Variants in PC observed in about 807,000 individuals in gnomAD.
PC encodes the protein pyruvate carboxylase.
In PC, 46 loss-of-function variants were observed where a neutral mutation model predicts 107.8. The ratio of observed to expected loss-of-function variants is 0.43; its 90% CI spans 0.34 to 0.55. The LOEUF (loss-of-function observed/expected upper bound fraction) is 0.55. Ranked by LOEUF, PC falls within the 20% of genes least tolerant of loss-of-function variation. The pLI, the probability that PC is intolerant of heterozygous loss-of-function variation, is 0.04. For synonymous variants in PC, 662 were observed against 684.7 expected, an observed-to-expected ratio of 0.97 and a Z score of 0.52; for missense variants, 1,241 against 1,643.1, an observed-to-expected ratio of 0.76 and a Z score of 4.23.
chr11:66,895,917 A>G (rs747871498), intron 3 of PC, among the ~76,000 whole-genome samples: 1 of 152,202 alleles, frequency 6.6e-6, no homozygotes, highest in African/African-American at 2.4e-5. Context: ...ACTGTGTCCA[A>G]TTTCAGATCC....
intron 3 of PC, among the ~76,000 whole-genome samples, chr11:66,904,640 A>AAC (rs1377445019): frequency 1.3e-5 from 2 of 152,200 alleles, no homozygotes; most frequent in African/African-American, 4.8e-5. Flanking sequence ...CCTGTCTCAA[A>AAC]ACACACACAC....
chr11:66,859,417 C>T (rs1946101790), intron 12 of PC, among the ~76,000 whole-genome samples: 1 of 152,200 alleles, frequency 6.6e-6, no homozygotes, highest in South Asian at 2.1e-4. Flanking sequence ...TCTGCTGGTG[C>T]CATCCCCCCA....
chr11:66,903,426 T>C (rs1948029996), intron 3 of PC, among the ~76,000 whole-genome samples: 1 of 152,094 alleles, frequency 6.6e-6, no homozygotes. Flanking sequence ...CTACGGACTA[T>C]AATTATTATT....
At chr11:66,891,147 C>G (rs1331266741) in intron 3 of PC, among the ~76,000 whole-genome samples, 3 of 152,134 alleles carry the variant, frequency 2.0e-5, no homozygotes, top group African/African-American at 7.2e-5. Flanking sequence ...ACTTCCGCCT[C>G]CCAGGTTCAA....
intron 3 of PC, among the ~76,000 whole-genome samples, chr11:66,905,251 C>T (rs1948121056): frequency 6.6e-6 from 1 of 152,254 alleles, no homozygotes; most frequent in African/African-American, 2.4e-5. Flanking sequence ...GCAGGCCGAG[C>T]AGCTTAGGAG....
intron 3 of PC, among the ~76,000 whole-genome samples, chr11:66,888,008 C>T (rs1565263244): frequency 6.6e-6 from 1 of 152,254 alleles, no homozygotes. Flanking sequence ...ACATCGCCTT[C>T]TCCTCAGCAT....
At chr11:66,929,841 T>C (rs192926400) in intron 3 of PC, among the ~76,000 whole-genome samples, 1 of 152,240 alleles carries the variant, frequency 6.6e-6, no homozygotes, top group African/African-American at 2.4e-5. Flanking sequence ...CTTAAAAGCA[T>C]AGGCAAGCTG....
At chr11:66,879,036 G>A (rs1213720263) in intron 3 of PC, among the ~76,000 whole-genome samples, 1 of 152,178 alleles carries the variant, frequency 6.6e-6, no homozygotes, top group Admixed American at 6.5e-5. Context: ...ATGCCTGGGT[G>A]ACAAACATCA....
At chr11:66,943,063 G>A (rs1949186492) in intron 3 of PC, among the ~76,000 whole-genome samples, 1 of 151,906 alleles carries the variant, frequency 6.6e-6, no homozygotes, top group South Asian at 2.1e-4. Context: ...TAATACATGT[G>A]TTATATGGAC....
At chr11:66,876,869 C>CG (rs1946999809) in intron 3 of PC, among the ~76,000 whole-genome samples, 1 of 152,142 alleles carries the variant, frequency 6.6e-6, no homozygotes, top group Non-Finnish European at 1.5e-5. Flanking sequence ...GGGGAGCCTT[C>CG]GGGACAAGCA....
chr11:66,876,858 A>G (rs918926626), intron 3 of PC, among the ~76,000 whole-genome samples: 30 of 152,200 alleles, frequency 2.0e-4, no homozygotes, highest in Admixed American at 9.8e-4. Context: ...GGAAGAGGCG[A>G]GGGGAGCCTT....
rs1361508127 is a variant in PC at position 66,857,909 on chromosome 11, G to C, written c.1369-4526C>G. The C allele has an allele frequency of 6.2e-7, 1 of 1,612,200 alleles. No homozygotes were observed. Among genetic ancestry groups the C allele is most frequent in the Non-Finnish European group, 8.5e-7 (1 of 1,179,924 alleles). ...ACCGGCGCACAGTGGAGCTGCGGCT[G>C]GCTGACAACTTCATCCAGGCCCTGG... is the stretch of plus-strand genomic sequence containing the variant. On this transcript the variant is annotated intron_variant, in intron 12 of 22. Transcript: ENST00000393960. This position sits in a 1 kb window ranked among gnomAD's most constrained non-coding sequence, Gnocchi z 7.1.
Position 66,863,739 on chromosome 11 carries a change from G to A in PC, c.1368+35C>T, listed in dbSNP as rs1946373368. ...ACGGTCAGGGGGCCCTCCAAGGGCC[G>A]GGAGCAAAGGCAGGCGGGGGCTGCA... On this transcript the variant is annotated intron_variant, in intron 12 of 22. Transcript: ENST00000393960. 6 of 1,590,216 alleles carry A rather than the reference G, an allele frequency of 3.8e-6. No homozygotes were observed. The African/African-American group carries it at 4.0e-5, about 11-fold the overall frequency.
chr11:66,957,141 T>C (rs572324124), intron 1 of PC, among the ~76,000 whole-genome samples: 1 of 152,238 alleles, frequency 6.6e-6, no homozygotes, highest in East Asian at 1.9e-4. Flanking sequence ...AAAGGGTGCC[T>C]TGGGGGAGGC....
chr11:66,873,475 TAATATATA>T (rs1946839582), intron 3 of PC, among the ~76,000 whole-genome samples: 1 of 77,490 alleles, frequency 1.3e-5, no homozygotes, highest in Non-Finnish European at 2.4e-5. Flanking sequence ...ATATATAATA[TAATATATA>T]ATATTATATA....
rs1266817343 is a variant in PC at position 66,913,171 on chromosome 11, C to T, written c.-1+39259G>A. ...GGCAGAAAACAAAGTACCATTCAGG[C>T]CCTGGGGACACACAATAGGCCCTTA... On this transcript the variant is annotated intron_variant, in intron 3 of 22. Transcript: ENST00000393960. Among the ~76,000 whole-genome samples the T allele has an allele frequency of 2.6e-5, 4 of 152,040 alleles. No homozygotes were observed. In the East Asian group the frequency reaches 7.7e-4, roughly 29 times the overall value.
chr11:66,912,546 C>T (rs1404963343), intron 3 of PC, among the ~76,000 whole-genome samples: 2 of 152,220 alleles, frequency 1.3e-5, no homozygotes, highest in Non-Finnish European at 2.9e-5. Context: ...GTGTGACTGA[C>T]AGCCGTAAAG....
intron 3 of PC, chr11:66,919,744 G>A (rs1237200546): frequency 6.6e-6 from 1 of 152,200 alleles, no homozygotes. Context: ...CATGAAGTCA[G>A]AACTGAAACC....
intron 3 of PC, among the ~76,000 whole-genome samples, chr11:66,875,365 G>A (rs1408818634): frequency 2.6e-5 from 4 of 152,144 alleles, no homozygotes; most frequent in Admixed American, 6.5e-5. Flanking sequence ...GACTTTTCCT[G>A]CTATAAGAAG....
Sources: allele counts gnomAD v4.1 joint callset (sites outside exome capture counted in the v4.1 genomes callset), GRCh38; gene constraint gnomAD v4.1.1; non-coding constraint Gnocchi (gnomAD v3.1); transcripts MANE v1.5; gene names NCBI Gene and HGNC (gene_info 2026-07-23, HGNC 2026-07-21).